The following TTC3 variants were observed in gnomAD, a reference collection of about 807,000 sequenced individuals.
TTC3 encodes the protein E3 ubiquitin-protein ligase TTC3.
In TTC3, 180 loss-of-function variants were observed where a neutral mutation model predicts 249.6. That is an observed-to-expected ratio of 0.72 (90% CI 0.64 to 0.82). The LOEUF (loss-of-function observed/expected upper bound fraction) is 0.82, where lower values mean the gene tolerates loss of function less well. TTC3 is among the 40% of genes least tolerant of loss of function. The pLI, the probability that TTC3 is intolerant of heterozygous loss-of-function variation, is 0.00. For synonymous variants in TTC3, 717 were observed against 805.0 expected, an observed-to-expected ratio of 0.89 and a Z score of 1.85; for missense variants, 2,061 against 2,398.4, an observed-to-expected ratio of 0.86 and a Z score of 2.94.
chr21:37,130,013 T>C (rs2077345820), intron 16 of TTC3, among the ~76,000 whole-genome samples: 1 of 152,224 alleles, frequency 6.6e-6, no homozygotes, highest in Admixed American at 6.5e-5. Context: ...TGTAAATCTT[T>C]TAATACAGAA....
chr21:37,182,819 G>A, exon 36 of TTC3: 1 of 1,591,878 alleles, frequency 6.3e-7, no homozygotes, highest in Non-Finnish European at 8.5e-7. Context: ...TTTGGAAAGA[G>A]AAATTAAAAA....
At chr21:37,166,718 TATA>T in intron 33 of TTC3, 103 bp downstream of exon 33, 2 of 1,441,950 alleles carry the variant, frequency 1.4e-6, no homozygotes, top group South Asian at 3.0e-5. Flanking sequence ...TGATTGACTT[TATA>T]ATGATTACTG....
At chr21:37,092,477 T>G (rs1433501934) in intron 7 of TTC3, among the ~76,000 whole-genome samples, 1 of 152,210 alleles carries the variant, frequency 6.6e-6, no homozygotes, top group African/African-American at 2.4e-5. Context: ...TATAGCTGAT[T>G]TTTTACATTC....
chr21:37,155,838 C>G (rs917745850), intron 27 of TTC3, among the ~76,000 whole-genome samples: 6 of 152,058 alleles, frequency 3.9e-5, no homozygotes, highest in Admixed American at 1.3e-4. Flanking sequence ...GGGTGAGGAC[C>G]CACATTTTGG....
At chr21:37,188,714 C>T in intron 39 of TTC3, 119 bp downstream of exon 39, 1 of 592,462 alleles carries the variant, frequency 1.7e-6, no homozygotes. Context: ...ATAATTGATA[C>T]ATGTTCAATT....
intron 13 of TTC3, among the ~76,000 whole-genome samples, chr21:37,124,012 G>T (rs1407184975): frequency 1.3e-5 from 2 of 151,396 alleles, no homozygotes; most frequent in Non-Finnish European, 2.9e-5. Context: ...GCCTCCCAAA[G>T]TGCTGAGATT....
chr21:37,144,740 A>T, intron 21 of TTC3, 95 bp downstream of exon 21: 1 of 1,443,542 alleles, frequency 6.9e-7, no homozygotes, highest in Non-Finnish European at 9.3e-7. Context: ...GGAGCATTCC[A>T]TCCCCACCTC....
intron 34 of TTC3, among the ~76,000 whole-genome samples, chr21:37,171,752 T>C (rs564684810): frequency 2.0e-5 from 3 of 152,326 alleles, no homozygotes; most frequent in South Asian, 2.1e-4. Context: ...CAAAAGGGCA[T>C]GTATGGTCAA....
exon 23 of TTC3, chr21:37,148,547 G>A (rs748851091): frequency 6.3e-7 from 1 of 1,579,942 alleles, no homozygotes; most frequent in Non-Finnish European, 8.6e-7. Flanking sequence ...TAACCCTAGG[G>A]TTTTATACGC....
In TTC3 at chr21:37,150,582, C is replaced by T. The variant is rs549583988; in HGVS notation, c.2212-238C>T. ...TAATAATATTTACACTTTATTAGAT[C>T]GTCTGCTTACTCTTAATTTTTTAAA... On this transcript the variant is annotated intron_variant, in intron 24 of 45. Coordinates refer to ENST00000355666, the Ensembl canonical transcript of TTC3. 3.3e-5 allele frequency among the ~76,000 whole-genome samples: 5 copies of T among 152,140 alleles called. No homozygotes were observed. In the South Asian group the frequency reaches 6.2e-4, roughly 19 times the overall value.
chr21:37,105,178 G>A (rs1317761842), intron 10 of TTC3, among the ~76,000 whole-genome samples: 2 of 152,186 alleles, frequency 1.3e-5, no homozygotes, highest in Admixed American at 6.5e-5. Flanking sequence ...ACCTTAGGGG[G>A]AGCTGTCAGT....
chr21:37,117,511 A>G (rs1252445885), intron 11 of TTC3, among the ~76,000 whole-genome samples: 2 of 152,180 alleles, frequency 1.3e-5, no homozygotes, highest in Non-Finnish European at 2.9e-5. Flanking sequence ...TAGAATTCCA[A>G]ATACTGAAAC....
At chr21:37,130,309 GC>G (rs2077367142) in intron 16 of TTC3, among the ~76,000 whole-genome samples, 1 of 151,820 alleles carries the variant, frequency 6.6e-6, no homozygotes, top group South Asian at 2.1e-4. Context: ...CTTCTTCCCT[GC>G]CCTCCCCTGT....
chr21:37,124,483 C>CAGAT, intron 13 of TTC3, 136 bp from the exon 14 acceptor site: 1 of 838,358 alleles, frequency 1.2e-6, no homozygotes, highest in Non-Finnish European at 1.8e-6. Context: ...TATAAAGCCC[C>CAGAT]ATCTCACAGG....
At chr21:37,182,616 G>T (rs905630609) in intron 35 of TTC3, among the ~76,000 whole-genome samples, 158 bp from the exon 36 acceptor site, 1 of 152,168 alleles carries the variant, frequency 6.6e-6, no homozygotes, top group Non-Finnish European at 1.5e-5. Context: ...GGCTTGGCTG[G>T]GGGGCATAGT....
At chr21:37,073,304 G>A (rs1372631536) in exon 1 of TTC3, 2 of 394,052 alleles carry the variant, frequency 5.1e-6, no homozygotes, top group Non-Finnish European at 6.7e-6. Context: ...GGTGGCGGCG[G>A]CGGCGGCGGC....
At chr21:37,184,415 T>C (rs2148161521) in intron 36 of TTC3, among the ~76,000 whole-genome samples, 1 of 152,140 alleles carries the variant, frequency 6.6e-6, no homozygotes, top group Middle Eastern at 3.4e-3. Flanking sequence ...TTACCTTTCC[T>C]GTCACAATTT....
At chr21:37,139,253 G>A (rs776321063) in intron 19 of TTC3, among the ~76,000 whole-genome samples, 5 of 152,026 alleles carry the variant, frequency 3.3e-5, no homozygotes, top group Non-Finnish European at 5.9e-5. Flanking sequence ...TTATTTGTAC[G>A]TAGAAAGTAC....
At chr21:37,159,780 A>G in intron 29 of TTC3, 35 bp downstream of exon 29, 1 of 1,455,214 alleles carries the variant, frequency 6.9e-7, no homozygotes. Context: ...CTTACGTTCT[A>G]ATCTGATGTT....
Sources: gnomAD v4.1 joint callset for allele counts (sites outside exome capture counted in the v4.1 genomes callset) on GRCh38, gnomAD v4.1.1 for gene constraint, MANE v1.5 for transcripts, NCBI Gene and HGNC (gene_info 2026-07-23, HGNC 2026-07-21) for gene names.